USP4: variants seen among roughly 807,000 people sequenced by gnomAD.
USP4 encodes ubiquitin specific peptidase 4, also known as ubiquitin carboxyl-terminal hydrolase 4.
Under a neutral mutation model 118.2 loss-of-function variants are expected in USP4, and 72 were observed. The observed-to-expected ratio is 0.61, with a 90% confidence interval of 0.50 to 0.74. The LOEUF (loss-of-function observed/expected upper bound fraction) is 0.74, where lower values mean the gene tolerates loss of function less well. USP4 is among the 30% of genes least tolerant of loss of function. The probability of loss-of-function intolerance (pLI) is 0.00; values close to 1 mark genes in which losing one functional copy is unlikely to be tolerated. For synonymous variants in USP4, 415 were observed against 440.4 expected, an observed-to-expected ratio of 0.94 and a Z score of 0.72; for missense variants, 1,037 against 1,185.7, an observed-to-expected ratio of 0.87 and a Z score of 1.84.
intron 1 of USP4, among the ~76,000 whole-genome samples, chr3:49,339,263 T>TATTGTCCCCTCTACTAAACA (rs2047708593): frequency 6.6e-6 from 1 of 152,212 alleles, no homozygotes; most frequent in Non-Finnish European, 1.5e-5. Flanking sequence ...TAGTACAAAG[T>TATTGTCCCCTCTACTAAACA]ATTGTCCCCT....
Position 49,292,500 on chromosome 3 carries a change from G to A in USP4, c.1972+10C>T, listed in dbSNP as rs770700119. 6.5e-6 allele frequency: 10 copies of A among 1,545,420 alleles called. No homozygotes were observed. In the Admixed American group the frequency reaches 1.2e-4, roughly 19 times the overall value. On this transcript the variant is annotated intron_variant, in intron 15 of 21. Coordinates refer to ENST00000265560, the MANE Select transcript of USP4 (RefSeq NM_003363.4). ...GTCAGTCACAGCCACAGAGCATGGT[G>A]CATACTCACCTTCACAGCTGTTCCT... is the stretch of plus-strand genomic sequence containing the variant.
intron 14 of USP4, 140 bp downstream of exon 14, chr3:49,294,267 G>A: frequency 4.3e-6 from 4 of 925,168 alleles, no homozygotes; most frequent in Non-Finnish European, 6.4e-6. Flanking sequence ...GTACAGGCAT[G>A]AGCCACTGCA....
Position 49,278,306 on chromosome 3 carries a change from A to G in USP4, c.2879T>C (p.Met960Thr), listed in dbSNP as rs2046983122. 3 of 1,613,700 alleles carry G rather than the reference A, an allele frequency of 1.9e-6. No homozygotes were observed. The highest frequency in any genetic ancestry group is 1.3e-5 in the African/African-American group (1 of 74,906). The change falls in exon 22 of 22, where the codon ATG becomes ACG. Residue 960 changes from methionine to threonine, a missense_variant. Physicochemically the swap from Met to Thr is moderately conservative, Grantham distance 81. Around this residue, in one of 3 missense-constraint regions of USP4, gnomAD observed 522 missense variants for 592.6 expected, o/e 0.88. Coordinates refer to ENST00000265560, the MANE Select transcript of USP4 (RefSeq NM_003363.4). ...QGFGDDEACS[M>T]DTN ...GTGGAGTCAGCATTAGTTGGTGTCC[A>G]TGCTGCAAGCCTCATCATCCCCAAA... is the stretch of plus-strand genomic sequence containing the variant.
chr3:49,314,379 G>C (rs2047414566), intron 6 of USP4, among the ~76,000 whole-genome samples: 1 of 152,162 alleles, frequency 6.6e-6, no homozygotes, highest in Non-Finnish European at 1.5e-5. Flanking sequence ...GGTTCACACA[G>C]CTTCATCCTC....
At chr3:49,318,679 C>T (rs1022332619) in intron 6 of USP4, 115 of 947,314 alleles carry the variant, frequency 1.2e-4, no homozygotes, top group Non-Finnish European at 1.4e-4. Context: ...GACGCCAAGG[C>T]GGGTGGATCA....
intron 6 of USP4, among the ~76,000 whole-genome samples, chr3:49,319,277 C>T (rs1311319060): frequency 6.6e-6 from 1 of 152,106 alleles, no homozygotes; most frequent in Non-Finnish European, 1.5e-5. Context: ...GAGACGGAGT[C>T]TTGCTCTGTT....
At chr3:49,292,090 A>G (rs140487778) in intron 15 of USP4, among the ~76,000 whole-genome samples, 3,699 of 152,036 alleles carry the variant, frequency 0.024, 164 homozygotes, top group African/African-American at 0.085. Context: ...TACAGGCGTG[A>G]GCCACCACGC....
At chr3:49,339,884 C>G in intron 1 of USP4, 40 bp downstream of exon 1, 1 of 1,571,256 alleles carries the variant, frequency 6.4e-7, no homozygotes, top group South Asian at 1.1e-5. Context: ...TTTTCTCGGC[C>G]CCTGGTTCTG....
Position 49,278,215 on chromosome 3 carries a change from G to T in USP4, c.*78C>A. ...TGTCTGGTTTTTAGACAGAACACTA[G>T]CAGTCTGCAGAGTGTCAAAGATGTT... On this transcript the variant is annotated 3_prime_UTR_variant, in exon 22 of 22. Coordinates refer to ENST00000265560, the MANE Select transcript of USP4 (RefSeq NM_003363.4). 2 of 1,481,318 alleles carry T rather than the reference G, an allele frequency of 1.4e-6. No homozygotes were observed. Among genetic ancestry groups the T allele is most frequent in the Non-Finnish European group, 1.8e-6 (2 of 1,100,666 alleles). The allele number at this position is 1,481,318 out of a possible 1,614,324, so 91.8% of individuals were successfully genotyped here.
intron 2 of USP4, 40 bp from the exon 3 acceptor site, chr3:49,327,856 C>A: frequency 6.4e-7 from 1 of 1,571,218 alleles, no homozygotes; most frequent in South Asian, 1.1e-5. Context: ...TGCTCTTTAC[C>A]CCAGAAATGA....
intron 3 of USP4, among the ~76,000 whole-genome samples, chr3:49,326,168 T>C (rs1204098431): frequency 6.6e-6 from 1 of 151,898 alleles, no homozygotes; most frequent in Non-Finnish European, 1.5e-5. Flanking sequence ...AATACAAAAA[T>C]TAGCCGGGCA....
intron 18 of USP4, 51 bp downstream of exon 18, chr3:49,284,415 T>G: frequency 3.4e-6 from 5 of 1,469,250 alleles, no homozygotes; most frequent in Non-Finnish European, 4.7e-6. Flanking sequence ...CTAGCAGATC[T>G]GAGTCCTGGG....
chr3:49,287,949 G>A (rs1383573796), intron 15 of USP4, among the ~76,000 whole-genome samples: 4 of 152,146 alleles, frequency 2.6e-5, no homozygotes, highest in Non-Finnish European at 5.9e-5. Flanking sequence ...TATCAAATAA[G>A]TAACTTTAGC....
chr3:49,280,902 T>G (rs979767970), intron 19 of USP4, 55 bp from the exon 20 acceptor site: 39 of 1,507,878 alleles, frequency 2.6e-5, no homozygotes, highest in Non-Finnish European at 3.6e-5. Flanking sequence ...AACAAAGTAG[T>G]TAAGAGTAAC....
chr3:49,306,706 C>T (rs1404524005), intron 8 of USP4, among the ~76,000 whole-genome samples: 2 of 152,146 alleles, frequency 1.3e-5, no homozygotes, highest in Non-Finnish European at 2.9e-5. Context: ...CTTGGAAAAA[C>T]TTGCCCATGA....
intron 19 of USP4, among the ~76,000 whole-genome samples, chr3:49,281,277 A>G (rs1484567014): frequency 6.6e-6 from 1 of 151,844 alleles, no homozygotes; most frequent in African/African-American, 2.4e-5. Flanking sequence ...TAACACGGTG[A>G]AACCCTGTCT....
intron 6 of USP4, among the ~76,000 whole-genome samples, chr3:49,320,045 A>C (rs1190420988): frequency 1.3e-5 from 2 of 152,060 alleles, no homozygotes; most frequent in Non-Finnish European, 2.9e-5. Flanking sequence ...GCCTCCCAAG[A>C]AGCTGGAACT....
chr3:49,320,302 C>A lies in USP4; in HGVS notation c.695+4400G>T, dbSNP rs181201145. 2.6e-5 allele frequency among the ~76,000 whole-genome samples: 4 copies of A among 151,614 alleles called. No individual in the cohort carries two copies. In the East Asian group the frequency reaches 5.9e-4, roughly 22 times the overall value. On this transcript the variant is annotated intron_variant, in intron 6 of 21. Coordinates refer to ENST00000265560, the MANE Select transcript of USP4 (RefSeq NM_003363.4). ...TACTAAAAATACAAAATTAGCCGGG[C>A]GTGGTGGCGCATGCCTGTAATCCCA...
At chr3:49,284,227 T>C (rs889855760) in intron 18 of USP4, 91 bp from the exon 19 acceptor site, 75 of 1,520,394 alleles carry the variant, frequency 4.9e-5, no homozygotes, top group Non-Finnish European at 6.8e-5. Context: ...AGTCCCCTGA[T>C]AGCTGCCATC....
Sources: allele counts gnomAD v4.1 joint callset (sites outside exome capture counted in the v4.1 genomes callset), GRCh38; gene constraint gnomAD v4.1.1; regional missense constraint gnomAD v4.1.1; transcripts MANE v1.5; gene names NCBI Gene and HGNC (gene_info 2026-07-23, HGNC 2026-07-21).